ZDHHC14: variants seen among roughly 807,000 people sequenced by gnomAD.
ZDHHC14 encodes the protein zDHHC palmitoyltransferase 14.
ZDHHC14 carries 16 observed loss-of-function variants against 47.7 expected under a neutral mutation model. The observed-to-expected ratio is 0.34, with a 90% confidence interval of 0.23 to 0.51. ZDHHC14 has a LOEUF of 0.51. ZDHHC14 is among the 20% of genes least tolerant of loss of function. ZDHHC14 has a pLI of 0.97. For missense variants in ZDHHC14, 515 were observed against 662.5 expected (o/e 0.78, Z 2.44); for synonymous variants, 293 against 278.9 (o/e 1.05, Z -0.50).
intron 1 of ZDHHC14, among the ~76,000 whole-genome samples, chr6:157,486,743 G>C (rs1268084959): frequency 6.6e-6 from 1 of 152,210 alleles, no homozygotes; most frequent in Non-Finnish European, 1.5e-5. Context: ...AAGTGTCAAA[G>C]AGAAATATGA....
At chr6:157,604,826 G>T (rs1371906999) in intron 3 of ZDHHC14, among the ~76,000 whole-genome samples, 1 of 152,178 alleles carries the variant, frequency 6.6e-6, no homozygotes, top group African/African-American at 2.4e-5. Context: ...TTACAGGTGT[G>T]AGCCACCATG....
chr6:157,597,934 T>TTACA, intron 3 of ZDHHC14, among the ~76,000 whole-genome samples: 1 of 151,776 alleles, frequency 6.6e-6, no homozygotes, highest in African/African-American at 2.4e-5. Context: ...GGCTTTCCCC[T>TTACA]GCCTCTTTTA....
intron 2 of ZDHHC14, among the ~76,000 whole-genome samples, chr6:157,589,737 G>T (rs149861684): frequency 0.045 from 6,825 of 152,152 alleles, 209 homozygotes; most frequent in Non-Finnish European, 0.069. Flanking sequence ...GCATGAAAAT[G>T]GACTAATACA....
chr6:157,433,821 C>T (rs1243333336), intron 1 of ZDHHC14, among the ~76,000 whole-genome samples: 1 of 152,162 alleles, frequency 6.6e-6, no homozygotes, highest in East Asian at 1.9e-4. Context: ...ATGGCATGTG[C>T]TGTGAAAATG....
intron 1 of ZDHHC14, among the ~76,000 whole-genome samples, chr6:157,438,360 C>T (rs1454182379): frequency 1.3e-5 from 2 of 152,116 alleles, no homozygotes; most frequent in African/African-American, 4.8e-5. Context: ...AAGGAAATCT[C>T]TAAGGTAGCC....
chr6:157,400,822 C>T (rs1346568637), intron 1 of ZDHHC14, among the ~76,000 whole-genome samples: 1 of 152,238 alleles, frequency 6.6e-6, no homozygotes, highest in Non-Finnish European at 1.5e-5. Flanking sequence ...CCGCTGTCTT[C>T]CTTTGGCTCT....
chr6:157,667,815 T>A (rs1240055440), intron 8 of ZDHHC14, among the ~76,000 whole-genome samples: 1 of 152,124 alleles, frequency 6.6e-6, no homozygotes, highest in Admixed American at 6.6e-5. Flanking sequence ...TATCCCTGAG[T>A]CATTTGATAT....
At chr6:157,469,435 G>T (rs1447806361) in intron 1 of ZDHHC14, among the ~76,000 whole-genome samples, 1 of 152,218 alleles carries the variant, frequency 6.6e-6, no homozygotes, top group Admixed American at 6.5e-5. Context: ...CTGCCTATAT[G>T]TAGGGGAATC....
At chr6:157,423,573 C>T (rs367970239) in intron 1 of ZDHHC14, among the ~76,000 whole-genome samples, 26 of 152,218 alleles carry the variant, frequency 1.7e-4, no homozygotes, top group East Asian at 1.5e-3. Context: ...TATGAATTTT[C>T]GGCATGTATA....
rs889401325 is a variant in ZDHHC14, at chr6:157,381,447, C to T, written c.-575C>T. ...AGAAAAACGTGCGTGGTTGTCCCCA[C>T]CCCTGGGAGGGGTTGCCGGTGCCGC... is the stretch of plus-strand genomic sequence containing the variant. On this transcript the variant is annotated 5_prime_UTR_variant, in exon 1 of 9. Coordinates refer to ENST00000359775, the MANE Select transcript of ZDHHC14 (RefSeq NM_024630.3). The T allele has an allele frequency of 6.2e-5, 20 of 321,140 alleles. 1 individual carries two copies. The highest frequency in any genetic ancestry group is 1.1e-4 in the Non-Finnish European group (18 of 157,494). The allele number at this position is 321,140 out of a possible 1,614,324, so 19.9% of individuals were successfully genotyped here. A position where few individuals can be genotyped will look rare whatever the true frequency, so the allele number is the denominator to read the frequency against.
At chr6:157,563,306 C>T (rs926408924) in intron 2 of ZDHHC14, among the ~76,000 whole-genome samples, 5 of 152,216 alleles carry the variant, frequency 3.3e-5, no homozygotes, top group Admixed American at 6.5e-5. Context: ...CCTGCCTGGG[C>T]GTTAAGCGTG....
chr6:157,402,347 C>T (rs1162836367), intron 1 of ZDHHC14, among the ~76,000 whole-genome samples: 3 of 151,696 alleles, frequency 2.0e-5, no homozygotes, highest in Non-Finnish European at 4.4e-5. Flanking sequence ...GAGATGCGCA[C>T]CTGCTGAGGT....
At chr6:157,528,683 G>C (rs1477727416) in intron 1 of ZDHHC14, among the ~76,000 whole-genome samples, 3 of 151,974 alleles carry the variant, frequency 2.0e-5, no homozygotes, top group Non-Finnish European at 4.4e-5. Context: ...AGTGAGCCGA[G>C]GTCGCACCAC....
At position 157,542,783 on chromosome 6, in the gene ZDHHC14, C is replaced by T. The variant is rs374213266; in HGVS notation, c.406+38C>T. 1.0e-4 allele frequency: 161 copies of T among 1,600,112 alleles called. No homozygotes were observed. The African/African-American group carries it at 2.0e-3, about 20-fold the overall frequency. ...GTCTGCCCATGGCCTCTGGTCACTT[C>T]CCGCCTGGGCCCAGCTACAGTGGGG... On this transcript the variant is annotated intron_variant, in intron 2 of 8. Transcript: ENST00000359775.
chr6:157,403,897 C>G (rs1583616123), intron 1 of ZDHHC14, among the ~76,000 whole-genome samples: 1 of 152,238 alleles, frequency 6.6e-6, no homozygotes, highest in African/African-American at 2.4e-5. Flanking sequence ...AAACCAACAC[C>G]AGCAGGTGCC....
At chr6:157,626,171 T>A (rs1785405536) in intron 3 of ZDHHC14, among the ~76,000 whole-genome samples, 1 of 152,076 alleles carries the variant, frequency 6.6e-6, no homozygotes, top group African/African-American at 2.4e-5. Flanking sequence ...GACCCTACAT[T>A]CTTCTTTGCT....
chr6:157,551,406 C>T (rs113568373), intron 2 of ZDHHC14, among the ~76,000 whole-genome samples: 2 of 152,298 alleles, frequency 1.3e-5, no homozygotes, highest in African/African-American at 4.8e-5. Flanking sequence ...GGCCTGGGAC[C>T]CTGGCATGGG....
rs1283162843 is a variant in ZDHHC14, at chr6:157,537,029, G to A, written c.246-5556G>A. 8.3e-5 allele frequency among the ~76,000 whole-genome samples: 5 copies of A among 59,996 alleles called. 2 individuals are homozygous for A. The Admixed American group carries it at 9.9e-4, about 12-fold the overall frequency. The allele number at this position is 59,996 out of a possible 152,430, so 39.4% of individuals were successfully genotyped here. On this transcript the variant is annotated intron_variant, in intron 1 of 8. Transcript: ENST00000359775. ...GAGACGGGGTTTCACCGTTTTAGCC[G>A]GGATGGTCTCGATCTCCTGACCTCG...
chr6:157,583,417 G>A (rs1431412925), intron 2 of ZDHHC14, among the ~76,000 whole-genome samples: 1 of 152,086 alleles, frequency 6.6e-6, no homozygotes, highest in East Asian at 1.9e-4. Flanking sequence ...GAGGACCAAG[G>A]CTTTTTGCAA....
Sources: gnomAD v4.1 joint callset for allele counts (sites outside exome capture counted in the v4.1 genomes callset) on GRCh38, gnomAD v4.1.1 for gene constraint, MANE v1.5 for transcripts, NCBI Gene and HGNC (gene_info 2026-07-23, HGNC 2026-07-21) for gene names.